USP34: variants seen among roughly 807,000 people sequenced by gnomAD.
USP34 encodes the protein ubiquitin specific peptidase 34.
A neutral mutation model predicts 460.3 loss-of-function variants in USP34; 70 were observed. The ratio of observed to expected loss-of-function variants is 0.15; its 90% CI spans 0.13 to 0.19. The LOEUF (loss-of-function observed/expected upper bound fraction) is 0.19, where lower values mean the gene tolerates loss of function less well. Ranked by LOEUF, USP34 falls within the 10% of genes least tolerant of loss-of-function variation. USP34 has a pLI of 1.00. For synonymous variants in USP34, 1,647 were observed against 1,405.3 expected (o/e 1.17, Z -3.85); for missense variants, 3,985 against 4,236.2 (o/e 0.94, Z 1.65).
intron 1 of USP34, among the ~76,000 whole-genome samples, chr2:61,458,414 A>T (rs1394843668): frequency 6.6e-6 from 1 of 151,700 alleles, no homozygotes; most frequent in African/African-American, 2.4e-5. Flanking sequence ...TACAAAAATT[A>T]GCCGGGCGTG....
At chr2:61,420,350 T>C (rs936580807) in intron 2 of USP34, among the ~76,000 whole-genome samples, 7 of 152,198 alleles carry the variant, frequency 4.6e-5, no homozygotes. Context: ...ATTGGTCTAA[T>C]ACACATAATT....
chr2:61,453,421 G>A (rs1695342496), intron 1 of USP34, among the ~76,000 whole-genome samples: 1 of 150,360 alleles, frequency 6.7e-6, no homozygotes. Flanking sequence ...CTCAAAAAAA[G>A]AAAACAAGCC....
At position 61,311,846 on chromosome 2, in the gene USP34, G is replaced by C; in HGVS notation, c.3607C>G (p.Leu1203Val). 1 of 1,614,050 alleles carries C rather than the reference G, an allele frequency of 6.2e-7. No individual in the cohort carries two copies. The highest frequency in any genetic ancestry group is 2.2e-5 in the East Asian group (1 of 44,872). ...GTGISSHLKA[L>V]SDKQSLPLRV... Reference sequence around the variant, plus strand: ...AGCGGCAGAGACTGTTTGTCACTCAGTGCTTTCAAATGACTACTAATACCA... The same window carrying C: ...AGCGGCAGAGACTGTTTGTCACTCACTGCTTTCAAATGACTACTAATACCA... Residue 1203 changes from leucine to valine, a missense_variant, in exon 26 of 80, where the codon CTG (leucine) becomes GTG (valine). Around this residue, in one of 14 missense-constraint regions of USP34, gnomAD observed 1,114 missense variants for 1,122.5 expected, o/e 0.99. Coordinates refer to ENST00000398571, the MANE Select transcript of USP34 (RefSeq NM_014709.4).
chr2:61,260,374 C>T (rs907532225), intron 43 of USP34, among the ~76,000 whole-genome samples: 5 of 152,146 alleles, frequency 3.3e-5, no homozygotes, highest in Non-Finnish European at 7.4e-5. Context: ...GTACTTATTA[C>T]ACATATTCCA....
chr2:61,260,133 A>C (rs540748026), intron 43 of USP34, among the ~76,000 whole-genome samples: 1 of 152,356 alleles, frequency 6.6e-6, no homozygotes, highest in African/African-American at 2.4e-5. Context: ...CACATTAAAA[A>C]AATACATTTG....
Position 61,188,176 on chromosome 2 carries a change from G to A in USP34, c.10567C>T (p.Leu3523=), listed in dbSNP as rs184080617. 1,476 of 1,614,118 alleles carry A rather than the reference G, an allele frequency of 9.1e-4. 4 individuals carry two copies. The highest frequency in any genetic ancestry group is 1.3e-3 in the South Asian group (121 of 91,084). The change falls in exon 80 of 80, where the codon CTG becomes TTG. Residue 3523 remains leucine (L), a synonymous_variant. Transcript: ENST00000398571. The part of the protein sequence containing the change: ...HMQQHDILDT[L]CRTIESTIHV... ...ATTGTAGATTCAATGGTCCTACACAGGGTATCTAAAATGTCATGTTGCTGC... is the reference window on the plus strand; with the variant it reads ...ATTGTAGATTCAATGGTCCTACACAAGGTATCTAAAATGTCATGTTGCTGC...
intron 10 of USP34, among the ~76,000 whole-genome samples, chr2:61,366,130 T>G (rs1324254259): frequency 1.3e-5 from 2 of 152,226 alleles, no homozygotes; most frequent in African/African-American, 4.8e-5. Context: ...TTCATCATGT[T>G]GGTCAGGCTG....
chr2:61,194,627 T>C (rs1287686654), intron 75 of USP34, among the ~76,000 whole-genome samples: 1 of 152,222 alleles, frequency 6.6e-6, no homozygotes, highest in Non-Finnish European at 1.5e-5. Flanking sequence ...GCCTCCGTAG[T>C]AGCTAAGACT....
At chr2:61,464,258 G>A (rs533731328) in intron 1 of USP34, among the ~76,000 whole-genome samples, 2 of 152,292 alleles carry the variant, frequency 1.3e-5, no homozygotes, top group Admixed American at 1.3e-4. Flanking sequence ...GGTGGAAGTT[G>A]CAGTGAGCTG....
Position 61,411,637 on chromosome 2 carries a change from G to A in USP34, c.132-5509C>T, listed in dbSNP as rs568475874. Among the ~76,000 whole-genome samples, 14 of 152,056 alleles carry A rather than the reference G, an allele frequency of 9.2e-5. No homozygotes were observed. The South Asian group carries it at 2.9e-3, about 31-fold the overall frequency. ...TGATAGCTGTCATCTTTTGTCCCAT[G>A]ATTTCTGTCCTTCTAGAGTGTTCTT... On this transcript the variant is annotated intron_variant, in intron 2 of 79. Coordinates refer to ENST00000398571, the MANE Select transcript of USP34 (RefSeq NM_014709.4).
chr2:61,391,595 G>A (rs1045072536), intron 5 of USP34, among the ~76,000 whole-genome samples: 1 of 151,992 alleles, frequency 6.6e-6, no homozygotes, highest in Non-Finnish European at 1.5e-5. Context: ...GTGAAATTCA[G>A]AGATTCCCAA....
chr2:61,388,294 T>C (rs1407997615), intron 5 of USP34, among the ~76,000 whole-genome samples: 2 of 151,878 alleles, frequency 1.3e-5, no homozygotes, highest in Non-Finnish European at 1.5e-5. Context: ...ATTAGAAATC[T>C]ATAAAAAACC....
In USP34 at chr2:61,298,953, A is replaced by C. The variant is rs1056474569; in HGVS notation, c.4128+1998T>G. Among the ~76,000 whole-genome samples the C allele has an allele frequency of 4.6e-5, 7 of 152,290 alleles. No individual in the cohort carries two copies. The East Asian group carries it at 1.2e-3, about 25-fold the overall frequency. On this transcript the variant is annotated intron_variant, in intron 29 of 79. Transcript: ENST00000398571. ...TTCACTCTTAACAGTAGCTGGACCCAATTTGAACAACTCCTCTTTTGAAAA... is the reference window on the plus strand; with the variant it reads ...TTCACTCTTAACAGTAGCTGGACCCCATTTGAACAACTCCTCTTTTGAAAA...
Position 61,262,116 on chromosome 2 carries a change from AATAT to A in USP34, c.5779-2344_5779-2341del, listed in dbSNP as rs70963406. On this transcript the variant is annotated intron_variant, in intron 43 of 79. Transcript: ENST00000398571. ...AAAAAAAAAAAAAAAAAAAAAAAAAAATATATATATATATATAGATAGATAGATA... is the reference window on the plus strand; with the variant it reads ...AAAAAAAAAAAAAAAAAAAAAAAAAAATATATATATATAGATAGATAGATA... Among the ~76,000 whole-genome samples the A allele has an allele frequency of 3.2e-3, 153 of 47,388 alleles. 3 individuals carry two copies. The highest frequency in any genetic ancestry group is 9.7e-3 in the African/African-American group (119 of 12,244). 31.1% of individuals were successfully genotyped at this position (47,388 alleles called of 152,430 possible).
At chr2:61,302,796 CT>C (rs1315723289) in intron 27 of USP34, among the ~76,000 whole-genome samples, 1 of 152,098 alleles carries the variant, frequency 6.6e-6, no homozygotes, top group South Asian at 2.1e-4. Flanking sequence ...TCTCCCAGGA[CT>C]TTTTTGTTTT....
At chr2:61,377,969 A>G (rs370302264) in intron 8 of USP34, among the ~76,000 whole-genome samples, 1 of 152,200 alleles carries the variant, frequency 6.6e-6, no homozygotes, top group African/African-American at 2.4e-5. Flanking sequence ...GCTTGAGTCT[A>G]CAAGACTAGA....
intron 37 of USP34, among the ~76,000 whole-genome samples, chr2:61,281,697 A>G (rs1689538894): frequency 6.6e-6 from 1 of 152,358 alleles, no homozygotes; most frequent in East Asian, 1.9e-4. Flanking sequence ...AAGGTATACC[A>G]TAATATATAA....
intron 10 of USP34, among the ~76,000 whole-genome samples, chr2:61,366,546 T>C (rs969004493): frequency 6.6e-6 from 1 of 152,140 alleles, no homozygotes; most frequent in East Asian, 1.9e-4. Flanking sequence ...TAAATACAGA[T>C]ACTGGTACCA....
chr2:61,383,642 G>A (rs907971679), intron 5 of USP34, among the ~76,000 whole-genome samples: 8 of 152,072 alleles, frequency 5.3e-5, no homozygotes, highest in Non-Finnish European at 7.4e-5. Context: ...CCCCGGGGGG[G>A]GCGGGGGGAA....
Sources: allele counts gnomAD v4.1 joint callset (sites outside exome capture counted in the v4.1 genomes callset), GRCh38; gene constraint gnomAD v4.1.1; regional missense constraint gnomAD v4.1.1; transcripts MANE v1.5; gene names NCBI Gene and HGNC (gene_info 2026-07-23, HGNC 2026-07-21).